Variants in NEK1 observed in about 807,000 individuals in gnomAD.
NEK1 encodes serine/threonine-protein kinase Nek1.
Under a neutral mutation model 182.1 loss-of-function variants are expected in NEK1, and 137 were observed. The observed-to-expected ratio is 0.75, with a 90% confidence interval of 0.65 to 0.87. The LOEUF (loss-of-function observed/expected upper bound fraction) is 0.87. Ranked by LOEUF, NEK1 falls within the 40% of genes least tolerant of loss-of-function variation. NEK1 has a pLI of 0.00. For missense variants in NEK1, 1,391 were observed against 1,494.4 expected (o/e 0.93, Z 1.14); for synonymous variants, 513 against 492.2 (o/e 1.04, Z -0.56).
intron 31 of NEK1, among the ~76,000 whole-genome samples, chr4:169,420,233 T>C (rs1014124678): frequency 6.6e-6 from 1 of 152,226 alleles, no homozygotes; most frequent in Non-Finnish European, 1.5e-5. Context: ...ATAACACGAA[T>C]GAAGCTGTCA....
chr4:169,449,155 G>A (rs1216297331), intron 27 of NEK1, among the ~76,000 whole-genome samples: 1 of 152,142 alleles, frequency 6.6e-6, no homozygotes, highest in Non-Finnish European at 1.5e-5. Context: ...CTGCCCAGAA[G>A]TTCAAAATGG....
intron 12 of NEK1, among the ~76,000 whole-genome samples, chr4:169,576,211 C>T (rs1182485343): frequency 4.6e-5 from 7 of 152,102 alleles, no homozygotes; most frequent in Middle Eastern, 3.2e-3. Context: ...GTGACCCACC[C>T]GCCTTGACCT....
chr4:169,539,949 C>T (rs373291545), intron 18 of NEK1, among the ~76,000 whole-genome samples: 6 of 152,238 alleles, frequency 3.9e-5, no homozygotes, highest in African/African-American at 1.4e-4. Context: ...ACAGCGGTTG[C>T]ACAAAATTGT....
At chr4:169,602,456 A>C in intron 3 of NEK1, 58 bp downstream of exon 3, 1 of 914,516 alleles carries the variant, frequency 1.1e-6, no homozygotes, top group Non-Finnish European at 1.7e-6. Context: ...AATCTCTAAC[A>C]ATGAGCTCTA....
At chr4:169,600,252 C>T (rs897380438) in intron 4 of NEK1, among the ~76,000 whole-genome samples, 33 of 152,018 alleles carry the variant, frequency 2.2e-4, no homozygotes, top group African/African-American at 6.3e-4. Context: ...TGCAATGGCA[C>T]GATGATGGCT....
chr4:169,486,684 C>T (rs1039310428), intron 23 of NEK1, among the ~76,000 whole-genome samples: 4 of 152,084 alleles, frequency 2.6e-5, no homozygotes, highest in Non-Finnish European at 4.4e-5. Context: ...CTAGTATTGC[C>T]ATAATGCTTT....
intron 23 of NEK1, among the ~76,000 whole-genome samples, chr4:169,500,335 C>T (rs1286457655): frequency 1.3e-5 from 2 of 152,176 alleles, no homozygotes; most frequent in African/African-American, 2.4e-5. Context: ...ATTCCCTGAC[C>T]TCTTGCACTT....
chr4:169,580,384 G>C (rs1014863345), intron 11 of NEK1, among the ~76,000 whole-genome samples: 1 of 150,102 alleles, frequency 6.7e-6, no homozygotes, highest in Non-Finnish European at 1.5e-5. Flanking sequence ...GGTAATCCCA[G>C]CTACTCGGAG....
At chr4:169,580,494 C>CAA (rs11348370) in intron 11 of NEK1, among the ~76,000 whole-genome samples, 68 of 65,822 alleles carry the variant, frequency 1.0e-3, no homozygotes, top group African/African-American at 2.9e-3. Flanking sequence ...AACTTCATCT[C>CAA]AAAAAAAAAA....
At chr4:169,478,266 C>A (rs1210196024) in intron 24 of NEK1, 1 of 151,890 alleles carries the variant, frequency 6.6e-6, no homozygotes, top group Non-Finnish European at 1.5e-5. Flanking sequence ...TGGATTACCT[C>A]GAATTTTGTA....
At chr4:169,510,031 C>T (rs930108313) in intron 19 of NEK1, among the ~76,000 whole-genome samples, 7 of 152,100 alleles carry the variant, frequency 4.6e-5, no homozygotes, top group Non-Finnish European at 1.5e-5. Flanking sequence ...TTCTATAATT[C>T]ACACATTTTT....
chr4:169,474,924 A>AC (rs543014195), intron 26 of NEK1, among the ~76,000 whole-genome samples: 120 of 152,350 alleles, frequency 7.9e-4, no homozygotes, highest in African/African-American at 2.8e-3. Flanking sequence ...TAGAGTAATT[A>AC]GAGTTATGCT....
At chr4:169,603,080 T>C (rs1234504965) in intron 2 of NEK1, among the ~76,000 whole-genome samples, 3 of 152,190 alleles carry the variant, frequency 2.0e-5, no homozygotes, top group Admixed American at 6.5e-5. Flanking sequence ...TGTTTGCTAG[T>C]ATAGAACAAT....
At chr4:169,474,272 AG>A (rs1746553300) in intron 26 of NEK1, among the ~76,000 whole-genome samples, 1 of 152,234 alleles carries the variant, frequency 6.6e-6, no homozygotes, top group Admixed American at 6.5e-5. Context: ...AATCATTAAA[AG>A]AACTTTGGAC....
In NEK1 at chr4:169,428,299, T is replaced by C. The variant is rs1042624512; in HGVS notation, c.2886-2065A>G. Among the ~76,000 whole-genome samples, 7 of 145,300 alleles carry C rather than the reference T, an allele frequency of 4.8e-5. No individual in the cohort carries two copies. The Admixed American group carries it at 5.0e-4, about 10-fold the overall frequency. ...TTGCAGCACTCTTCCAATAGCCAGA[T>C]GGTGGAAACAACCTACGTGCCCATC... is the stretch of plus-strand genomic sequence containing the variant. On this transcript the variant is annotated intron_variant, in intron 29 of 35. Transcript: ENST00000507142.
At chr4:169,474,761 G>T (rs1466329229) in intron 26 of NEK1, among the ~76,000 whole-genome samples, 1 of 152,126 alleles carries the variant, frequency 6.6e-6, no homozygotes. Context: ...TTCACATAAA[G>T]CCCCTATAAG....
At chr4:169,604,008 T>C (rs1560793470) in intron 2 of NEK1, among the ~76,000 whole-genome samples, 2 of 152,206 alleles carry the variant, frequency 1.3e-5, no homozygotes, top group African/African-American at 4.8e-5. Context: ...GCCACATTTA[T>C]TGAACATTTC....
At chr4:169,432,580 GATTT>G (rs1737633739) in intron 29 of NEK1, among the ~76,000 whole-genome samples, 1 of 151,936 alleles carries the variant, frequency 6.6e-6, no homozygotes, top group African/African-American at 2.4e-5. Flanking sequence ...AAATTTCCCA[GATTT>G]ATTATTGACC....
At chr4:169,571,120 T>C (rs896170114) in intron 12 of NEK1, among the ~76,000 whole-genome samples, 4 of 151,548 alleles carry the variant, frequency 2.6e-5, no homozygotes, top group African/African-American at 4.9e-5. Context: ...CCCTCCACTA[T>C]TGTCCTATGA....
Sources: gnomAD v4.1 joint callset for allele counts (sites outside exome capture counted in the v4.1 genomes callset) on GRCh38, gnomAD v4.1.1 for gene constraint, MANE v1.5 for transcripts, NCBI Gene and HGNC (gene_info 2026-07-23, HGNC 2026-07-21) for gene names.